NCOR1: variants seen among roughly 807,000 people sequenced by gnomAD.
The protein encoded by NCOR1 is protein phosphatase 1, regulatory subunit 109.
In NCOR1, 63 loss-of-function variants were observed where a neutral mutation model predicts 288.1. The ratio of observed to expected loss-of-function variants is 0.22; its 90% confidence interval spans 0.18 to 0.27. The LOEUF (loss-of-function observed/expected upper bound fraction) is 0.27. Among genes scored for constraint, NCOR1 ranks in the 10% least tolerant of loss-of-function variants. NCOR1 has a pLI of 1.00. For synonymous variants in NCOR1, 1,007 were observed against 1,065.9 expected (o/e 0.94, Z 1.08); for missense variants, 2,397 against 3,019.2 (o/e 0.79, Z 4.83).
chr17:16,095,173 C>T (rs945116640), intron 21 of NCOR1, among the ~76,000 whole-genome samples: 9 of 151,492 alleles, frequency 5.9e-5, no homozygotes, highest in Non-Finnish European at 1.0e-4. Flanking sequence ...CGTCTCTGCC[C>T]GGCCGCCCAT....
intron 1 of NCOR1, among the ~76,000 whole-genome samples, chr17:16,204,689 A>C (rs2091273222): frequency 6.6e-6 from 1 of 152,204 alleles, no homozygotes; most frequent in Admixed American, 6.5e-5. Context: ...CAAAACACAA[A>C]AGTCACATAA....
In NCOR1 at chr17:16,183,261, AAAAG is replaced by A. The variant is rs967561286; in HGVS notation, c.242+3289_242+3292del. Among the ~76,000 whole-genome samples, 519 of 151,008 alleles carry A rather than the reference AAAAG, an allele frequency of 3.4e-3. 5 individuals are homozygous for A. The highest frequency in any genetic ancestry group is 0.012 in the African/African-American group (500 of 41,232). On this transcript the variant is annotated intron_variant, in intron 3 of 45. Coordinates refer to ENST00000268712, the MANE Select transcript of NCOR1 (RefSeq NM_006311.4). ...AAAAAAAAAAGAAAAGAAAAAAAAG[AAAAG>A]AAATAAAAGGCATCCAGTCAGAAAG...
chr17:16,066,733 G>C (rs1453130232), intron 32 of NCOR1, among the ~76,000 whole-genome samples: 1 of 152,168 alleles, frequency 6.6e-6, no homozygotes, highest in Non-Finnish European at 1.5e-5. Flanking sequence ...AAACAGTGTT[G>C]TCAAATGACA....
At chr17:16,202,816 G>GT (rs2091008019) in intron 1 of NCOR1, among the ~76,000 whole-genome samples, 1 of 152,056 alleles carries the variant, frequency 6.6e-6, no homozygotes, top group Non-Finnish European at 1.5e-5. Flanking sequence ...AACAGACTCT[G>GT]TTTTTTGCTG....
chr17:16,159,203 C>T (rs565913598), intron 5 of NCOR1, among the ~76,000 whole-genome samples: 50 of 151,936 alleles, frequency 3.3e-4, no homozygotes, highest in Non-Finnish European at 6.8e-4. Flanking sequence ...CACCTGAGGT[C>T]GGGAGTTCGA....
intron 14 of NCOR1, among the ~76,000 whole-genome samples, chr17:16,136,031 G>A (rs1013367181): frequency 6.6e-6 from 1 of 152,226 alleles, no homozygotes; most frequent in Non-Finnish European, 1.5e-5. Context: ...TGTGGTGGTG[G>A]CAGTAGCGCA....
chr17:16,105,847 C>T (rs1162456852), intron 19 of NCOR1, among the ~76,000 whole-genome samples: 2 of 152,166 alleles, frequency 1.3e-5, no homozygotes, highest in Non-Finnish European at 2.9e-5. Flanking sequence ...TGCCTGTAAT[C>T]CCAGCACTTT....
At chr17:16,154,886 G>A (rs1464617280) in intron 6 of NCOR1, among the ~76,000 whole-genome samples, 1 of 152,134 alleles carries the variant, frequency 6.6e-6, no homozygotes, top group Admixed American at 6.5e-5. Context: ...TAGGAGGTGG[G>A]ACTAACGCTC....
chr17:16,194,388 A>G (rs2089309517), intron 2 of NCOR1, 74 bp downstream of exon 2: 3 of 948,352 alleles, frequency 3.2e-6, no homozygotes, highest in Non-Finnish European at 1.6e-6. Context: ...TTTCTGTCCC[A>G]CATGTGTATT....
intron 40 of NCOR1, 124 bp downstream of exon 40, chr17:16,057,390 A>T: frequency 3.2e-6 from 3 of 932,320 alleles, no homozygotes; most frequent in Non-Finnish European, 4.9e-6. Flanking sequence ...AAGCTCATTT[A>T]CACTTTCCTG....
intron 2 of NCOR1, among the ~76,000 whole-genome samples, chr17:16,190,828 A>G (rs1211226555): frequency 2.0e-5 from 3 of 152,260 alleles, no homozygotes; most frequent in Non-Finnish European, 2.9e-5. Context: ...CAGAAACTGA[A>G]TAATAGGCAG....
intron 26 of NCOR1, among the ~76,000 whole-genome samples, chr17:16,076,535 A>G (rs1381276521): frequency 6.6e-6 from 1 of 152,226 alleles, no homozygotes; most frequent in Non-Finnish European, 1.5e-5. Context: ...CAACCATTCT[A>G]CGGTTGTTTG....
At chr17:16,061,378 GA>G (rs780209886) in intron 37 of NCOR1, 22 bp downstream of exon 37, 1 of 1,602,222 alleles carries the variant, frequency 6.2e-7, no homozygotes, top group South Asian at 1.1e-5. Flanking sequence ...ATCACATTGT[GA>G]AACTCGGATT....
chr17:16,095,393 TG>T (rs1598516473), intron 21 of NCOR1, among the ~76,000 whole-genome samples: 1 of 141,178 alleles, frequency 7.1e-6, no homozygotes, highest in Non-Finnish European at 1.5e-5. Context: ...GGGAGGGAGG[TG>T]GGGGGTCAGC....
chr17:16,156,167 G>A (rs892119272), intron 6 of NCOR1, among the ~76,000 whole-genome samples: 1 of 152,182 alleles, frequency 6.6e-6, no homozygotes, highest in Non-Finnish European at 1.5e-5. Flanking sequence ...CTGGTGCAGT[G>A]GCTGACGCCT....
Position 16,031,501 on chromosome 17 carries a change from C to T in NCOR1, c.*795G>A, listed in dbSNP as rs1971987972. ...ATACTTAGGGGCATGGTTAAATTAC[C>T]AGTGTGCGTAACAGTGAGGTATGCC... is the stretch of plus-strand genomic sequence containing the variant. On this transcript the variant is annotated 3_prime_UTR_variant, in exon 46 of 46. Transcript: ENST00000268712. 4.9e-6 allele frequency: 1 copy of T among 204,148 alleles called. No individual in the cohort carries two copies. The highest frequency in any genetic ancestry group is 2.3e-5 in the African/African-American group (1 of 43,698). 12.6% of individuals were successfully genotyped at this position (204,148 alleles called of 1,614,324 possible).
At chr17:16,032,883 G>A (rs900473052) in intron 45 of NCOR1, among the ~76,000 whole-genome samples, 2 of 152,188 alleles carry the variant, frequency 1.3e-5, no homozygotes, top group African/African-American at 4.8e-5. Context: ...CAAGTACCCA[G>A]GAACGTCTGC....
rs369192382 is a variant in NCOR1, at chr17:16,213,548, T to G, written c.-71+1814A>C. Among the ~76,000 whole-genome samples the G allele has an allele frequency of 2.6e-4, 35 of 136,734 alleles. 1 individual carries two copies. The East Asian group carries it at 6.2e-3, about 24-fold the overall frequency. The allele number at this position is 136,734 out of a possible 152,430, so 89.7% of individuals were successfully genotyped here. ...AAGGGCCTATCCTGCTCTCAAGAGATAAAATAGGTACATAAATACCTACAA... is the reference window on the plus strand; with the variant it reads ...AAGGGCCTATCCTGCTCTCAAGAGAGAAAATAGGTACATAAATACCTACAA... On this transcript the variant is annotated intron_variant, in intron 1 of 45. Transcript: ENST00000268712.
chr17:16,074,696 C>T (rs1028692144), intron 27 of NCOR1, among the ~76,000 whole-genome samples: 3 of 147,786 alleles, frequency 2.0e-5, no homozygotes, highest in Admixed American at 6.6e-5. Flanking sequence ...CTCAAATTCA[C>T]TCAAAACTTT....
Sources: gnomAD v4.1 joint callset for allele counts (sites outside exome capture counted in the v4.1 genomes callset) on GRCh38, gnomAD v4.1.1 for gene constraint, MANE v1.5 for transcripts, NCBI Gene and HGNC (gene_info 2026-07-23, HGNC 2026-07-21) for gene names.